Variants in PLPPR5 observed in about 807,000 individuals in gnomAD.
The protein encoded by PLPPR5 is phospholipid phosphatase-related protein type 5.
Under a neutral mutation model 33.9 loss-of-function variants are expected in PLPPR5, and 16 were observed. The ratio of observed to expected loss-of-function variants is 0.47; its 90% CI spans 0.32 to 0.72. The LOEUF is 0.72. Ranked by LOEUF, PLPPR5 falls within the 30% of genes least tolerant of loss-of-function variation. The pLI, the probability that PLPPR5 is intolerant of heterozygous loss-of-function variation, is 0.03. For synonymous variants in PLPPR5, 163 were observed against 150.3 expected (o/e 1.08, Z -0.62); for missense variants, 301 against 406.7 (o/e 0.74, Z 2.23).
chr1:98,993,051 T>C (rs1308788016), intron 1 of PLPPR5, among the ~76,000 whole-genome samples: 2 of 152,130 alleles, frequency 1.3e-5, no homozygotes, highest in African/African-American at 2.4e-5. Context: ...ATGTAAGCAC[T>C]ATGTTAGTTA....
intron 1 of PLPPR5, among the ~76,000 whole-genome samples, chr1:98,961,111 G>C (rs149564270): frequency 6.6e-6 from 1 of 152,108 alleles, no homozygotes; most frequent in Non-Finnish European, 1.5e-5. Context: ...ACGCACAGGG[G>C]ACAGACCTCC....
intron 1 of PLPPR5, among the ~76,000 whole-genome samples, chr1:98,983,123 C>T (rs921872141): frequency 1.6e-4 from 25 of 151,618 alleles, no homozygotes; most frequent in African/African-American, 6.1e-4. Flanking sequence ...TTTTAGGGTA[C>T]ATGTGCACAT....
At position 98,919,666 on chromosome 1, in the gene PLPPR5, A is replaced by T. The variant is rs141594334; in HGVS notation, c.798+2216T>A. ...GATGGATATCCTCCCTCTTTGTGCC[A>T]CTGAGGGCCAATTTGCACCATCCTG... On this transcript the variant is annotated intron_variant, in intron 4 of 5. Transcript: ENST00000263177. Among the ~76,000 whole-genome samples the T allele has an allele frequency of 9.9e-5, 15 of 152,206 alleles. No individual in the cohort carries two copies. The East Asian group carries it at 2.5e-3, about 26-fold the overall frequency.
chr1:98,980,702 T>C (rs1337678367), intron 1 of PLPPR5, among the ~76,000 whole-genome samples: 3 of 152,080 alleles, frequency 2.0e-5, no homozygotes, highest in African/African-American at 7.2e-5. Flanking sequence ...TTTCAATTTA[T>C]AGTGAGAAGA....
At chr1:98,913,994 G>A (rs1392547507) in intron 5 of PLPPR5, among the ~76,000 whole-genome samples, 4 of 152,166 alleles carry the variant, frequency 2.6e-5, no homozygotes, top group African/African-American at 9.7e-5. Context: ...CCCTGATTAG[G>A]AGAGCACGAC....
Position 98,964,973 on chromosome 1 carries a change from ATT to A in PLPPR5, c.238-8234_238-8233del, listed in dbSNP as rs566402306. ...TGCAACCATGCCCAGTTAATTTTTG[ATT>A]TTTTTTTTTTTTTTTTTGGTAGAGA... is the stretch of plus-strand genomic sequence containing the variant. On this transcript the variant is annotated intron_variant, in intron 1 of 5. Coordinates refer to ENST00000263177, the MANE Select transcript of PLPPR5 (RefSeq NM_001037317.2). Among the ~76,000 whole-genome samples the A allele has an allele frequency of 5.0e-3, 609 of 121,394 alleles. 2 individuals are homozygous for A. The highest frequency in any genetic ancestry group is 0.016 in the African/African-American group (509 of 32,726). 79.6% of individuals were successfully genotyped at this position (121,394 alleles called of 152,430 possible). A position where few individuals can be genotyped will look rare whatever the true frequency, so the allele number is the denominator to read the frequency against.
intron 1 of PLPPR5, among the ~76,000 whole-genome samples, chr1:99,001,745 T>A (rs1652859904): frequency 7.0e-6 from 1 of 143,534 alleles, no homozygotes; most frequent in African/African-American, 2.6e-5. Context: ...TAAAAGAGAC[T>A]ATTTGAGGCA....
At chr1:99,000,400 T>G (rs1011285543) in intron 1 of PLPPR5, among the ~76,000 whole-genome samples, 6 of 152,224 alleles carry the variant, frequency 3.9e-5, no homozygotes, top group African/African-American at 1.4e-4. Flanking sequence ...GCTAAATTCC[T>G]ACCAAACTGA....
At chr1:98,986,357 T>C (rs752788669) in intron 1 of PLPPR5, among the ~76,000 whole-genome samples, 48 of 151,892 alleles carry the variant, frequency 3.2e-4, no homozygotes, top group Non-Finnish European at 6.0e-4. Flanking sequence ...AAAATGTTAG[T>C]ATAAGACACG....
chr1:98,907,924 AG>A (rs1648967254), intron 5 of PLPPR5, among the ~76,000 whole-genome samples: 1 of 152,204 alleles, frequency 6.6e-6, no homozygotes, highest in Non-Finnish European at 1.5e-5. Flanking sequence ...TTTTGGCCAA[AG>A]GTAACTTCCC....
chr1:98,993,712 T>C (rs1652536346), intron 1 of PLPPR5, among the ~76,000 whole-genome samples: 1 of 152,140 alleles, frequency 6.6e-6, no homozygotes, highest in Admixed American at 6.6e-5. Context: ...CATAGTGTTC[T>C]GCTTTGATGA....
chr1:98,999,430 G>T (rs138803115), intron 1 of PLPPR5, among the ~76,000 whole-genome samples: 4 of 152,178 alleles, frequency 2.6e-5, no homozygotes, highest in African/African-American at 7.2e-5. Context: ...ACCCAAGAAG[G>T]CTCCAGAGTC....
intron 1 of PLPPR5, among the ~76,000 whole-genome samples, chr1:98,960,430 C>G (rs1651196240): frequency 6.6e-6 from 1 of 152,128 alleles, no homozygotes; most frequent in Non-Finnish European, 1.5e-5. Context: ...TCTCGAATTC[C>G]TCACCTCAGG....
Position 99,004,790 on chromosome 1 carries a change from G to T in PLPPR5, c.-119C>A. 1.9e-6 allele frequency: 1 copy of T among 514,458 alleles called. No homozygotes were observed. Among genetic ancestry groups the T allele is most frequent in the Non-Finnish European group, 2.9e-6 (1 of 346,984 alleles). 31.9% of individuals were successfully genotyped at this position (514,458 alleles called of 1,614,324 possible). On this transcript the variant is annotated 5_prime_UTR_variant, in exon 1 of 6. Coordinates refer to ENST00000263177, the MANE Select transcript of PLPPR5 (RefSeq NM_001037317.2). Reference sequence around the variant, plus strand: ...GCGGCGGAGGCGGCGGGAGGACGAGGCACGGGAGGCGGGATGGAGCCGCTG... The same window carrying T: ...GCGGCGGAGGCGGCGGGAGGACGAGTCACGGGAGGCGGGATGGAGCCGCTG...
rs1648235708 is a variant in PLPPR5, at chr1:98,890,517, A to G, written c.*2555T>C. ...ACATGTGCAGAATTTCTGCCATGCA[A>G]ACAGAGACTACCGAAATTTTCAAGT... On this transcript the variant is annotated 3_prime_UTR_variant, in exon 6 of 6. Coordinates refer to ENST00000263177, the MANE Select transcript of PLPPR5 (RefSeq NM_001037317.2). 6.6e-6 allele frequency: 1 copy of G among 152,518 alleles called. No homozygotes were observed. The highest frequency in any genetic ancestry group is 2.4e-5 in the African/African-American group (1 of 41,426). The allele number at this position is 152,518 out of a possible 1,614,324, so 9.4% of individuals were successfully genotyped here. A position where few individuals can be genotyped will look rare whatever the true frequency, so the allele number is the denominator to read the frequency against.
chr1:98,977,029 A>G (rs889318010), intron 1 of PLPPR5, among the ~76,000 whole-genome samples: 28 of 152,154 alleles, frequency 1.8e-4, no homozygotes, highest in African/African-American at 6.5e-4. Flanking sequence ...TAGATTTTTG[A>G]GGCCTCTTTT....
chr1:98,920,064 T>C (rs1317669858), intron 4 of PLPPR5, among the ~76,000 whole-genome samples: 1 of 152,098 alleles, frequency 6.6e-6, no homozygotes, highest in Non-Finnish European at 1.5e-5. Flanking sequence ...TATGGGAATG[T>C]TCAAAGGGCT....
chr1:98,925,704 C>T (rs941860840), intron 3 of PLPPR5, among the ~76,000 whole-genome samples: 4 of 141,272 alleles, frequency 2.8e-5, no homozygotes, highest in Non-Finnish European at 6.3e-5. Context: ...AATAAAAAAA[C>T]ACAAATATTT....
chr1:99,004,751 C>G lies in PLPPR5; in HGVS notation c.-80G>C. ...CCCCCTCCCCGGTCCGCCGAGGCAG[C>G]CACCGGGGGCGCGGCGGCGGAGGCG... On this transcript the variant is annotated 5_prime_UTR_variant, in exon 1 of 6. Coordinates refer to ENST00000263177, the MANE Select transcript of PLPPR5 (RefSeq NM_001037317.2). 1.0e-6 allele frequency: 1 copy of G among 959,550 alleles called. No homozygotes were observed. Among genetic ancestry groups the G allele is most frequent in the Non-Finnish European group, 1.4e-6 (1 of 738,676 alleles). 59.4% of individuals were successfully genotyped at this position (959,550 alleles called of 1,614,324 possible). A position where few individuals can be genotyped will look rare whatever the true frequency, so the allele number is the denominator to read the frequency against.
Sources: allele counts gnomAD v4.1 joint callset (sites outside exome capture counted in the v4.1 genomes callset), GRCh38; gene constraint gnomAD v4.1.1; transcripts MANE v1.5; gene names NCBI Gene and HGNC (gene_info 2026-07-23, HGNC 2026-07-21).